Variants in ZNF827 observed in about 807,000 individuals in gnomAD.
ZNF827 encodes zinc finger protein 827.
In ZNF827, 13 loss-of-function variants were observed where a neutral mutation model predicts 102.4. The ratio of observed to expected loss-of-function variants is 0.13; its 90% CI spans 0.08 to 0.20. The LOEUF (loss-of-function observed/expected upper bound fraction) is 0.20, where lower values mean the gene tolerates loss of function less well. Ranked by LOEUF, ZNF827 falls within the 10% of genes least tolerant of loss-of-function variation. The pLI is 1.00. For synonymous variants in ZNF827, 523 were observed against 536.2 expected, an observed-to-expected ratio of 0.98 and a Z score of 0.34; for missense variants, 1,103 against 1,344.4, an observed-to-expected ratio of 0.82 and a Z score of 2.81.
intron 1 of ZNF827, among the ~76,000 whole-genome samples, chr4:145,923,332 C>A (rs1416261544): frequency 6.6e-6 from 1 of 151,844 alleles, no homozygotes; most frequent in African/African-American, 2.4e-5. Context: ...AGGCCAGGTG[C>A]GGAGGCTCAT....
At chr4:145,831,560 A>T (rs1054279688) in intron 7 of ZNF827, 1 of 152,232 alleles carries the variant, frequency 6.6e-6, no homozygotes, top group African/African-American at 2.4e-5. Context: ...GTGACAAGGA[A>T]GCTAAGATGG....
chr4:145,770,726 G>A (rs1736153300), intron 11 of ZNF827, among the ~76,000 whole-genome samples: 2 of 151,996 alleles, frequency 1.3e-5, no homozygotes. Context: ...TATCCATGGA[G>A]GGGATTATTC....
At chr4:145,771,376 C>T (rs554014920) in intron 11 of ZNF827, among the ~76,000 whole-genome samples, 1 of 152,268 alleles carries the variant, frequency 6.6e-6, no homozygotes, top group South Asian at 2.1e-4. Context: ...TTTTCTAGGG[C>T]TGATTTGTTA....
intron 1 of ZNF827, chr4:145,906,984 A>G (rs1426506730): frequency 6.9e-6 from 3 of 437,606 alleles, no homozygotes; most frequent in Non-Finnish European, 1.4e-5. Context: ...GTTACCATAT[A>G]ATTTTAATGC....
At chr4:145,871,532 T>TA (rs1269199143) in intron 4 of ZNF827, among the ~76,000 whole-genome samples, 1 of 152,190 alleles carries the variant, frequency 6.6e-6, no homozygotes, top group African/African-American at 2.4e-5. Flanking sequence ...TCACTCCCTT[T>TA]AAGAGTCCAT....
At position 145,902,140 on chromosome 4, in the gene ZNF827, G is replaced by A. The variant is rs2126885777; in HGVS notation, c.1093+26C>T. On this transcript the variant is annotated intron_variant, in intron 2 of 14. Coordinates refer to ENST00000508784, the MANE Select transcript of ZNF827 (RefSeq NM_001306215.2). This position sits in a 1 kb window ranked among gnomAD's most constrained non-coding sequence, Gnocchi z 4.3. ...AGTTTATAGTCTAAAGGACTTACAC[G>A]ATGATTGAAAGAAAAGATGCCATAC... 2 of 1,559,974 alleles carry A rather than the reference G, an allele frequency of 1.3e-6. No homozygotes were observed. Among genetic ancestry groups the A allele is most frequent in the East Asian group, 4.5e-5 (2 of 44,696 alleles).
rs1734786340 is a variant in ZNF827 at position 145,763,145 on chromosome 4, G to A, written c.3231-23C>T. 3 of 1,535,542 alleles carry A rather than the reference G, an allele frequency of 2.0e-6. No individual in the cohort carries two copies. The highest frequency in any genetic ancestry group is 2.6e-6 in the Non-Finnish European group (3 of 1,146,422). ...GAGCTACGGCAAAAGAAAAATAATA[G>A]TATAATCTTATTTGATCTGCATTAT... On this transcript the variant is annotated intron_variant, in intron 13 of 14. Transcript: ENST00000508784. This position sits in a 1 kb window ranked among gnomAD's most constrained non-coding sequence, Gnocchi z 4.6.
At chr4:145,870,596 C>T in intron 4 of ZNF827, 118 bp from the exon 5 acceptor site, 1 of 875,258 alleles carries the variant, frequency 1.1e-6, no homozygotes, top group Admixed American at 2.4e-5. Context: ...CCGGAGGGAT[C>T]ACAACCTCAT....
At position 145,774,667 on chromosome 4, in the gene ZNF827, T is replaced by C. The variant is rs1243418833; in HGVS notation, c.2699A>G (p.His900Arg). 2 of 1,613,344 alleles carry C rather than the reference T, an allele frequency of 1.2e-6. No individual in the cohort carries two copies. Among genetic ancestry groups the C allele is most frequent in the African/African-American group, 1.3e-5 (1 of 74,876 alleles). The change falls in exon 11 of 15, where the codon CAC (histidine) becomes CGC (arginine). Residue 900 changes from histidine to arginine, a missense_variant. Physicochemically the swap from His to Arg is conservative, Grantham distance 29. Coordinates refer to ENST00000508784, the MANE Select transcript of ZNF827 (RefSeq NM_001306215.2). ...GAGCTCGGTCTCAAATCCACACACG[T>C]GACAACTACATGAAAGGGTAAAAGA... is the stretch of plus-strand genomic sequence containing the variant. ...GKKHPYYYSC[H>R]VCGFETELNV...
intron 8 of ZNF827, among the ~76,000 whole-genome samples, chr4:145,806,923 T>C (rs1741510526): frequency 6.6e-6 from 1 of 152,138 alleles, no homozygotes; most frequent in African/African-American, 2.4e-5. Context: ...CCTGGTGCCC[T>C]AAGATTAATT....
intron 1 of ZNF827, among the ~76,000 whole-genome samples, chr4:145,928,160 T>C (rs552382462): frequency 6.6e-6 from 1 of 152,292 alleles, no homozygotes; most frequent in South Asian, 2.1e-4. Flanking sequence ...AGGCTCACCA[T>C]CTCCTGTCTT....
chr4:145,902,944 C>T lies in ZNF827; in HGVS notation c.315G>A (p.Val105=). The T allele has an allele frequency of 6.2e-7, 1 of 1,614,170 alleles. No individual in the cohort carries two copies. Among genetic ancestry groups the T allele is most frequent in the Non-Finnish European group, 8.5e-7 (1 of 1,180,032 alleles). The stretch of plus-strand genomic sequence containing the variant: ...CTGGGTCATCGTCACACAAAGAAGA[C>T]ACTCCCGGGGAAAGGTGATCTTGAC... ...LQCQDHLSPG[V]SSLCDDDPGS... The change falls in exon 2 of 15, where the codon GTG becomes GTA. Residue 105 remains valine (V), a synonymous_variant. Transcript: ENST00000508784. This position sits in a 1 kb window ranked among gnomAD's most constrained non-coding sequence, Gnocchi z 4.3.
At chr4:145,792,135 C>CA (rs1248363061) in intron 8 of ZNF827, among the ~76,000 whole-genome samples, 7 of 152,120 alleles carry the variant, frequency 4.6e-5, no homozygotes, top group African/African-American at 7.2e-5. Context: ...AGGCCAATAC[C>CA]ATGTGTTAAA....
chr4:145,886,645 T>C (rs901062622), intron 3 of ZNF827, among the ~76,000 whole-genome samples: 1 of 151,792 alleles, frequency 6.6e-6, no homozygotes, highest in Admixed American at 6.6e-5. Context: ...ATTAAGAATG[T>C]AGAAAATAAT....
At chr4:145,766,746 A>G (rs1196466337) in intron 11 of ZNF827, among the ~76,000 whole-genome samples, 1 of 152,228 alleles carries the variant, frequency 6.6e-6, no homozygotes, top group Admixed American at 6.5e-5. Flanking sequence ...CTTAGAGAAC[A>G]GTGCCCGGCA....
rs1482279728 is a variant in ZNF827, at chr4:145,857,403, C to T, written c.1982-7842G>A. 3.3e-5 allele frequency among the ~76,000 whole-genome samples: 5 copies of T among 152,258 alleles called. No homozygotes were observed. In the Middle Eastern group the frequency reaches 0.014, roughly 414 times the overall value. ...CATATCATTTTCTACAAGATCAAAG[C>T]GCTTGTTGCTTTACTCTTACGTAGA... On this transcript the variant is annotated intron_variant, in intron 5 of 14. Coordinates refer to ENST00000508784, the MANE Select transcript of ZNF827 (RefSeq NM_001306215.2).
chr4:145,902,357 C>T lies in ZNF827; in HGVS notation c.902G>A (p.Ser301Asn). 6.2e-7 allele frequency: 1 copy of T among 1,609,330 alleles called. No individual in the cohort carries two copies. ...CAGCGATGATTTCTCAGCCAGAAGACTGCCCGCAGCCCTTGCGGCCACCTC... is the reference window on the plus strand; with the variant it reads ...CAGCGATGATTTCTCAGCCAGAAGATTGCCCGCAGCCCTTGCGGCCACCTC... The part of the protein sequence containing the change: ...LKEVAARAAG[S>N]LLAEKSSLLP... The change falls in exon 2 of 15, where the codon AGT (serine) becomes AAT (asparagine). Residue 301 changes from serine to asparagine, a missense_variant. This residue lies in a region of ZNF827 where 441 missense variants were observed against 458.6 expected (regional missense o/e 0.96). Coordinates refer to ENST00000508784, the MANE Select transcript of ZNF827 (RefSeq NM_001306215.2). The surrounding 1 kb of genome is among the most constrained non-coding windows in gnomAD (Gnocchi z 4.3).
intron 5 of ZNF827, among the ~76,000 whole-genome samples, chr4:145,856,164 T>G (rs141188816): frequency 6.6e-6 from 1 of 151,996 alleles, no homozygotes; most frequent in Non-Finnish European, 1.5e-5. Flanking sequence ...ACGGCTAATT[T>G]TTTGTATTTT....
rs199894877 is a variant in ZNF827 at position 145,774,551 on chromosome 4, T to C, written c.2815A>G (p.Met939Val). The change falls in exon 11 of 15, where the codon ATG (methionine) becomes GTG (valine). Residue 939 changes from methionine (M) to valine (V), a missense_variant. Met to Val is a conservative substitution (Grantham distance 21, BLOSUM62 1). Coordinates refer to ENST00000508784, the MANE Select transcript of ZNF827 (RefSeq NM_001306215.2). ...ICCTACDFVT[M>V]EEAEIKTHIG... ...TGAGTCTTTATCTCTGCTTCCTCCATGGTGACGAAGTCGCAGGCAGTGCAG... is the reference window on the plus strand; with the variant it reads ...TGAGTCTTTATCTCTGCTTCCTCCACGGTGACGAAGTCGCAGGCAGTGCAG... 7.8e-5 allele frequency: 126 copies of C among 1,612,506 alleles called. No homozygotes were observed. Among genetic ancestry groups the C allele is most frequent in the Non-Finnish European group, 6.9e-5 (81 of 1,179,446 alleles).
Sources: gnomAD v4.1 joint callset for allele counts (sites outside exome capture counted in the v4.1 genomes callset) on GRCh38, gnomAD v4.1.1 for gene constraint, gnomAD v4.1.1 regional missense constraint, Gnocchi (gnomAD v3.1) non-coding constraint, MANE v1.5 for transcripts, NCBI Gene and HGNC (gene_info 2026-07-23, HGNC 2026-07-21) for gene names.